Variants in CCSER1 observed in about 807,000 individuals in gnomAD.
The protein encoded by CCSER1 is serine-rich coiled-coil domain-containing protein 1.
A neutral mutation model predicts 82.0 loss-of-function variants in CCSER1; 41 were observed. That is an observed-to-expected ratio of 0.50 (90% CI 0.39 to 0.65). The LOEUF (loss-of-function observed/expected upper bound fraction) is 0.65, where lower values mean the gene tolerates loss of function less well. CCSER1 is among the 30% of genes least tolerant of loss of function. The probability of loss-of-function intolerance (pLI) is 0.00; values close to 1 mark genes in which losing one functional copy is unlikely to be tolerated. For missense variants in CCSER1, 1,119 were observed against 1,064.2 expected, an observed-to-expected ratio of 1.05 and a Z score of -0.72; for synonymous variants, 414 against 383.9, an observed-to-expected ratio of 1.08 and a Z score of -0.92.
intron 10 of CCSER1, among the ~76,000 whole-genome samples, chr4:91,094,442 G>C (rs1222960090): frequency 2.0e-5 from 3 of 152,194 alleles, no homozygotes; most frequent in Non-Finnish European, 4.4e-5. Context: ...GTTAGGAACT[G>C]TTGGGTGTAG....
At chr4:90,671,143 G>C (rs1482068442) in intron 6 of CCSER1, among the ~76,000 whole-genome samples, 2 of 152,034 alleles carry the variant, frequency 1.3e-5, no homozygotes, top group Admixed American at 6.6e-5. Context: ...GGAGAGTCTT[G>C]CCTTGATGTT....
At chr4:90,351,797 A>G (rs991633697) in intron 3 of CCSER1, among the ~76,000 whole-genome samples, 3 of 152,094 alleles carry the variant, frequency 2.0e-5, no homozygotes, top group African/African-American at 7.2e-5. Flanking sequence ...TTTTGTCTAC[A>G]TTTTATCTTT....
chr4:91,468,097 C>T (rs776258282), intron 10 of CCSER1, among the ~76,000 whole-genome samples: 17 of 152,116 alleles, frequency 1.1e-4, no homozygotes, highest in Admixed American at 4.6e-4. Flanking sequence ...GACTTGGAAC[C>T]AACCCAAATG....
chr4:90,651,499 T>A (rs980129870), intron 6 of CCSER1, among the ~76,000 whole-genome samples: 6 of 151,928 alleles, frequency 3.9e-5, no homozygotes, highest in African/African-American at 1.5e-4. Flanking sequence ...TGAGAACACA[T>A]GGACACAGGG....
chr4:90,313,010 A>G lies in CCSER1; in HGVS notation c.1472A>G (p.Gln491Arg). 6.2e-7 allele frequency: 1 copy of G among 1,605,234 alleles called. No homozygotes were observed. The highest frequency in any genetic ancestry group is 2.2e-5 in the East Asian group (1 of 44,674). ...NIEEVNSLRK[Q>R]RAGSSSSKMN... ...GAAGAAGTTAATAGTTTAAGAAAGC[A>G]AAGAGCAGGTTCTTCATCTTCAAAA... The change falls in exon 3 of 11, where the codon CAA becomes CGA. Residue 491 changes from glutamine to arginine, a missense_variant. By Grantham distance (43) the Gln-to-Arg change is conservative. Transcript: ENST00000509176.
chr4:91,019,709 T>G lies in CCSER1; in HGVS notation c.2173-66241T>G, dbSNP rs141106907. Among the ~76,000 whole-genome samples the G allele has an allele frequency of 2.0e-3, 307 of 152,248 alleles. 1 individual carries two copies. The highest frequency in any genetic ancestry group is 6.8e-3 in the Middle Eastern group (2 of 294). ...ATGTAATTCACTCAGAAGAGGCATA[T>G]TACATGGACTTTAGAAGCGAATTAC... On this transcript the variant is annotated intron_variant, in intron 9 of 10. Coordinates refer to ENST00000509176, the MANE Select transcript of CCSER1 (RefSeq NM_001145065.2).
At chr4:90,994,801 T>G (rs1423571578) in intron 9 of CCSER1, among the ~76,000 whole-genome samples, 2 of 152,200 alleles carry the variant, frequency 1.3e-5, no homozygotes, top group Non-Finnish European at 2.9e-5. Flanking sequence ...TGGAAAAGCC[T>G]ATTTCTTTGC....
intron 3 of CCSER1, among the ~76,000 whole-genome samples, chr4:90,331,883 G>A (rs1196995217): frequency 6.6e-6 from 1 of 151,344 alleles, no homozygotes; most frequent in South Asian, 2.1e-4. Flanking sequence ...CTGTTTCCAC[G>A]AATTGTCAGA....
At position 91,335,564 on chromosome 4, in the gene CCSER1, C is replaced by G. The variant is rs570366630; in HGVS notation, c.2217+249570C>G. On this transcript the variant is annotated intron_variant, in intron 10 of 10. Coordinates refer to ENST00000509176, the MANE Select transcript of CCSER1 (RefSeq NM_001145065.2). ...GAGACTGTTTTTCTCACGGGGAGTG[C>G]AGAGGAAATTCTTTCCCTTTTCTGG... Among the ~76,000 whole-genome samples the G allele has an allele frequency of 5.3e-5, 8 of 152,150 alleles. No individual in the cohort carries two copies. In the South Asian group the frequency reaches 1.7e-3, roughly 32 times the overall value.
intron 6 of CCSER1, among the ~76,000 whole-genome samples, chr4:90,639,647 G>A (rs545169584): frequency 3.9e-5 from 6 of 152,098 alleles, no homozygotes; most frequent in Non-Finnish European, 8.8e-5. Flanking sequence ...GAAAAATCAA[G>A]CATTACTCTG....
At chr4:90,811,995 C>CACACATATATAT (rs367800484) in intron 7 of CCSER1, among the ~76,000 whole-genome samples, 13 of 142,768 alleles carry the variant, frequency 9.1e-5, no homozygotes, top group African/African-American at 2.6e-4. Flanking sequence ...TATATAAACA[C>CACACATATATAT]ATATATATAT....
chr4:91,409,528 A>T (rs1485509033), intron 10 of CCSER1, among the ~76,000 whole-genome samples: 1 of 152,158 alleles, frequency 6.6e-6, no homozygotes, highest in Non-Finnish European at 1.5e-5. Flanking sequence ...AAAAATTTTC[A>T]AAAGTAATTT....
At chr4:91,241,486 C>T (rs1421869582) in intron 10 of CCSER1, among the ~76,000 whole-genome samples, 28 of 148,598 alleles carry the variant, frequency 1.9e-4, no homozygotes, top group African/African-American at 6.7e-4. Context: ...CCACCACGCC[C>T]GGCTAATTTT....
At chr4:90,960,633 C>A (rs1388476426) in intron 9 of CCSER1, among the ~76,000 whole-genome samples, 1 of 152,188 alleles carries the variant, frequency 6.6e-6, no homozygotes, top group Non-Finnish European at 1.5e-5. Context: ...AAATGCCTCA[C>A]TGCTGACCAA....
At chr4:91,316,309 G>A (rs1745834264) in intron 10 of CCSER1, among the ~76,000 whole-genome samples, 1 of 151,874 alleles carries the variant, frequency 6.6e-6, no homozygotes, top group Non-Finnish European at 1.5e-5. Context: ...AAAGAACATG[G>A]AACAATGCCT....
chr4:91,590,934 CT>C (rs1764234320), intron 10 of CCSER1, among the ~76,000 whole-genome samples: 1 of 152,078 alleles, frequency 6.6e-6, no homozygotes, highest in South Asian at 2.1e-4. Flanking sequence ...GGTTTTCTTT[CT>C]TGATATGTAT....
intron 10 of CCSER1, chr4:91,325,426 C>A: frequency 1.1e-5 from 3 of 266,690 alleles, no homozygotes; most frequent in South Asian, 3.7e-5. Context: ...GTATTTTTAG[C>A]TAGTACATTA....
rs143618932 is a variant in CCSER1 at position 91,512,117 on chromosome 4, G to A, written c.2218-86455G>A. 6.2e-3 allele frequency among the ~76,000 whole-genome samples: 945 copies of A among 152,244 alleles called. 5 individuals are homozygous for A. Among genetic ancestry groups the A allele is most frequent in the Middle Eastern group, 0.01 (3 of 294 alleles). On this transcript the variant is annotated intron_variant, in intron 10 of 10. Transcript: ENST00000509176. ...GTTCTCCTTGTAGAGATCTGTGATGGTTGATACTGTCAACTTGATTGGATT... is the reference window on the plus strand; with the variant it reads ...GTTCTCCTTGTAGAGATCTGTGATGATTGATACTGTCAACTTGATTGGATT...
intron 6 of CCSER1, among the ~76,000 whole-genome samples, chr4:90,701,763 G>T (rs1161068367): frequency 2.0e-5 from 3 of 152,076 alleles, no homozygotes; most frequent in Non-Finnish European, 2.9e-5. Context: ...CTCATGATTT[G>T]GCTCTCTGTT....
Sources: gnomAD v4.1 joint callset for allele counts (sites outside exome capture counted in the v4.1 genomes callset) on GRCh38, gnomAD v4.1.1 for gene constraint, MANE v1.5 for transcripts, NCBI Gene and HGNC (gene_info 2026-07-23, HGNC 2026-07-21) for gene names.